NFAM1: variants seen among roughly 807,000 people sequenced by gnomAD.
NFAM1 encodes the protein NFAT activation molecule 1.
In NFAM1, 17 loss-of-function variants were observed where a neutral mutation model predicts 29.0. The observed-to-expected ratio is 0.59, with a 90% CI of 0.40 to 0.88. The LOEUF (loss-of-function observed/expected upper bound fraction) is 0.88, where lower values mean the gene tolerates loss of function less well. NFAM1 is among the 40% of genes least tolerant of loss of function. The pLI is 0.00. For missense variants in NFAM1, 324 were observed against 344.6 expected, an observed-to-expected ratio of 0.94 and a Z score of 0.47; for synonymous variants, 175 against 147.2, an observed-to-expected ratio of 1.19 and a Z score of -1.36.
chr22:42,422,403 C>T (rs545248580), intron 1 of NFAM1, among the ~76,000 whole-genome samples: 150 of 151,610 alleles, frequency 9.9e-4, no homozygotes, highest in Non-Finnish European at 1.8e-3. Context: ...GTCAGTAGTT[C>T]GAGACCAGAC....
chr22:42,397,794 G>A (rs556298610), intron 4 of NFAM1, 64 bp downstream of exon 4: 4 of 918,872 alleles, frequency 4.4e-6, no homozygotes, highest in East Asian at 2.4e-5. Context: ...ACAGACCCTG[G>A]TACAAGACAG....
chr22:42,392,670 CAG>C (rs1929384106), intron 4 of NFAM1, among the ~76,000 whole-genome samples: 2 of 152,134 alleles, frequency 1.3e-5, no homozygotes, highest in South Asian at 4.1e-4. Context: ...AACTAAGACT[CAG>C]AAAGTTTAAG....
intron 1 of NFAM1, among the ~76,000 whole-genome samples, chr22:42,430,173 G>A (rs1319339266): frequency 6.6e-6 from 1 of 152,164 alleles, no homozygotes; most frequent in Non-Finnish European, 1.5e-5. Context: ...TGAGGTGGGA[G>A]GATCATTTGA....
At position 42,432,343 on chromosome 22, in the gene NFAM1, A is replaced by C; in HGVS notation, c.15T>G (p.Pro5=). 1.9e-6 allele frequency: 3 copies of C among 1,577,414 alleles called. No individual in the cohort carries two copies. The highest frequency in any genetic ancestry group is 2.6e-6 in the Non-Finnish European group (3 of 1,162,512). The change falls in exon 1 of 6, where the codon CCT becomes CCG. Residue 5 remains proline (P), a synonymous_variant. Coordinates refer to ENST00000329021, the MANE Select transcript of NFAM1 (RefSeq NM_145912.8). ...GGCCTGGCAGGGCCCGCCACCTCACAGGCTGGTTCTCCATCTGGGGGCCTG... is the reference window on the plus strand; with the variant it reads ...GGCCTGGCAGGGCCCGCCACCTCACCGGCTGGTTCTCCATCTGGGGGCCTG... MENQ[P]VRWRALPGLP...
At chr22:42,429,174 C>T (rs1930717909) in intron 1 of NFAM1, among the ~76,000 whole-genome samples, 1 of 152,202 alleles carries the variant, frequency 6.6e-6, no homozygotes, top group African/African-American at 2.4e-5. Flanking sequence ...GTGGCTGACA[C>T]TCACTGAGGA....
intron 1 of NFAM1, among the ~76,000 whole-genome samples, chr22:42,421,659 GCGT>G (rs1930451976): frequency 6.6e-6 from 1 of 152,074 alleles, no homozygotes; most frequent in South Asian, 2.1e-4. Flanking sequence ...CATCAAGCGC[GCGT>G]TGTCAGTCAA....
chr22:42,426,865 T>C (rs1300566217), intron 1 of NFAM1, among the ~76,000 whole-genome samples: 1 of 152,120 alleles, frequency 6.6e-6, no homozygotes, highest in African/African-American at 2.4e-5. Flanking sequence ...GCCCTGTCCC[T>C]AGGGCCAAAG....
At chr22:42,386,812 G>A (rs1242100808) in intron 5 of NFAM1, among the ~76,000 whole-genome samples, 177 bp downstream of exon 5, 3 of 152,214 alleles carry the variant, frequency 2.0e-5, no homozygotes, top group Admixed American at 6.5e-5. Flanking sequence ...CTAAGGGACA[G>A]AGCAGGAACT....
At chr22:42,396,294 T>G (rs1929522629) in intron 4 of NFAM1, among the ~76,000 whole-genome samples, 1 of 152,182 alleles carries the variant, frequency 6.6e-6, no homozygotes, top group South Asian at 2.1e-4. Flanking sequence ...TAGAAAGATA[T>G]TTATTCACGT....
chr22:42,437,055 C>T (rs889908981), upstream of NFAM1: 5 of 886,104 alleles, frequency 5.6e-6, no homozygotes, highest in Non-Finnish European at 5.4e-6. Flanking sequence ...GAGCTAGTGC[C>T]AACTCCCCAA....
At chr22:42,407,776 G>C (rs1929948374) in intron 3 of NFAM1, among the ~76,000 whole-genome samples, 1 of 152,004 alleles carries the variant, frequency 6.6e-6, no homozygotes, top group Admixed American at 6.6e-5. Flanking sequence ...ATGTTTTGTA[G>C]AGATGGGGTC....
intron 5 of NFAM1, among the ~76,000 whole-genome samples, chr22:42,386,720 G>C (rs1929158342): frequency 6.6e-6 from 1 of 152,192 alleles, no homozygotes. Context: ...CTATGAGGTG[G>C]GTACTGTTAG....
intron 1 of NFAM1, among the ~76,000 whole-genome samples, chr22:42,420,799 CAAGAA>C (rs1325140081): frequency 1.3e-4 from 20 of 152,216 alleles, no homozygotes; most frequent in African/African-American, 4.8e-4. Context: ...CTCCTCAAAG[CAAGAA>C]AAGAAAACAT....
chr22:42,418,904 G>C (rs1428859445), intron 1 of NFAM1, among the ~76,000 whole-genome samples: 2 of 152,150 alleles, frequency 1.3e-5, no homozygotes, highest in African/African-American at 2.4e-5. Flanking sequence ...CAGGGCTGGG[G>C]GCATGAACAG....
chr22:42,385,053 T>C lies in NFAM1; in HGVS notation c.*108A>G. On this transcript the variant is annotated 3_prime_UTR_variant, in exon 6 of 6. Coordinates refer to ENST00000329021, the MANE Select transcript of NFAM1 (RefSeq NM_145912.8). ...GGCCTTGAATGTGAGGGTGAAATGA[T>C]GGGGTGTCCCTGGGGGCCTTACTCC... The C allele has an allele frequency of 1.2e-6, 1 of 820,248 alleles. No homozygotes were observed. The highest frequency in any genetic ancestry group is 1.7e-5 in the Admixed American group (1 of 57,758). 50.8% of individuals were successfully genotyped at this position (820,248 alleles called of 1,614,324 possible).
intron 3 of NFAM1, among the ~76,000 whole-genome samples, chr22:42,401,308 AAGG>A (rs1409598900): frequency 2.0e-5 from 3 of 152,342 alleles, no homozygotes; most frequent in Non-Finnish European, 2.9e-5. Flanking sequence ...GTTAGACAGA[AAGG>A]AGGAGATGAG....
At chr22:42,432,999 C>T (rs1930857043), upstream of NFAM1, among the ~76,000 whole-genome samples, 1 of 152,198 alleles carries the variant, frequency 6.6e-6, no homozygotes, top group African/African-American at 2.4e-5. Flanking sequence ...TGGTCCATCT[C>T]TAACGTCAGC....
At chr22:42,415,424 C>T (rs758098693) in intron 1 of NFAM1, among the ~76,000 whole-genome samples, 14 of 151,782 alleles carry the variant, frequency 9.2e-5, no homozygotes, top group East Asian at 1.9e-4. Flanking sequence ...CTCAGCCTTC[C>T]GAGCAGCTGG....
At chr22:42,391,023 G>A (rs1157253317) in intron 4 of NFAM1, among the ~76,000 whole-genome samples, 1 of 152,058 alleles carries the variant, frequency 6.6e-6, no homozygotes, top group African/African-American at 2.4e-5. Context: ...GCTCAAAACC[G>A]CCCAGCTGCT....
Sources: gnomAD v4.1 joint callset for allele counts (sites outside exome capture counted in the v4.1 genomes callset) on GRCh38, gnomAD v4.1.1 for gene constraint, MANE v1.5 for transcripts, NCBI Gene and HGNC (gene_info 2026-07-23, HGNC 2026-07-21) for gene names.